The following PHACTR3 variants were observed in gnomAD, a reference collection of about 807,000 sequenced individuals.
PHACTR3 encodes the protein protein phosphatase 1, regulatory subunit 123.
Under a neutral mutation model 66.8 loss-of-function variants are expected in PHACTR3, and 16 were observed. That is an observed-to-expected ratio of 0.24 (90% CI 0.16 to 0.36). The LOEUF (loss-of-function observed/expected upper bound fraction) is 0.36. PHACTR3 is among the 10% of genes least tolerant of loss of function. The pLI is 1.00. For missense variants in PHACTR3, 647 were observed against 719.9 expected (o/e 0.90, Z 1.16); for synonymous variants, 323 against 292.1 (o/e 1.11, Z -1.08).
At chr20:59,728,430 A>G (rs907193622) in intron 1 of PHACTR3, among the ~76,000 whole-genome samples, 1 of 152,154 alleles carries the variant, frequency 6.6e-6, no homozygotes, top group Non-Finnish European at 1.5e-5. Context: ...GAAAACAGGT[A>G]TTAGGGGGAA....
chr20:59,841,914 G>A (rs2059071016), intron 11 of PHACTR3, among the ~76,000 whole-genome samples: 1 of 152,052 alleles, frequency 6.6e-6, no homozygotes, highest in South Asian at 2.1e-4. Flanking sequence ...TGGTATAAGG[G>A]ATAAATCAAA....
intron 7 of PHACTR3, among the ~76,000 whole-genome samples, chr20:59,784,852 G>T (rs2040849333): frequency 6.6e-6 from 1 of 152,128 alleles, no homozygotes; most frequent in Admixed American, 6.5e-5. Context: ...GCTGCCTCTG[G>T]GCCTGGCATA....
chr20:59,841,686 G>A (rs1177231073), intron 11 of PHACTR3, 151 bp downstream of exon 11: 22 of 867,538 alleles, frequency 2.5e-5, no homozygotes, highest in Middle Eastern at 3.4e-4. Flanking sequence ...ATAATTCAGG[G>A]TCAGATTGAG....
At chr20:59,794,481 A>G (rs901185897) in intron 7 of PHACTR3, among the ~76,000 whole-genome samples, 2 of 152,256 alleles carry the variant, frequency 1.3e-5, no homozygotes, top group East Asian at 3.9e-4. Context: ...ATCTATGTTC[A>G]TCAGGGATGC....
chr20:59,682,907 C>G (rs1892715818), intron 1 of PHACTR3, among the ~76,000 whole-genome samples: 1 of 152,116 alleles, frequency 6.6e-6, no homozygotes, highest in African/African-American at 2.4e-5. Context: ...GGCTTTTGCT[C>G]TGAGTGTGAC....
At chr20:59,707,746 G>A (rs777794476) in intron 1 of PHACTR3, among the ~76,000 whole-genome samples, 17 of 152,034 alleles carry the variant, frequency 1.1e-4, no homozygotes, top group Admixed American at 2.0e-4. Context: ...GATTACAGGC[G>A]TGAGCCCCCT....
chr20:59,809,354 C>T (rs1039189274), intron 8 of PHACTR3, among the ~76,000 whole-genome samples: 6 of 152,078 alleles, frequency 3.9e-5, no homozygotes, highest in East Asian at 1.9e-4. Context: ...ATCGTGGTGT[C>T]GTCATCCCAG....
chr20:59,737,475 T>A (rs948250013), intron 1 of PHACTR3, among the ~76,000 whole-genome samples: 5 of 151,752 alleles, frequency 3.3e-5, no homozygotes, highest in Admixed American at 2.0e-4. Context: ...CAAATGAGTG[T>A]GTGCGTGCAT....
rs1056926359 is a variant in PHACTR3, at chr20:59,628,563, G to T, written c.118+23431G>T. 13 of 953,362 alleles carry T rather than the reference G, an allele frequency of 1.4e-5. 1 individual carries two copies. The highest frequency in any genetic ancestry group is 1.1e-4 in the African/African-American group (6 of 56,690). 59.1% of individuals were successfully genotyped at this position (953,362 alleles called of 1,614,324 possible). On this transcript the variant is annotated intron_variant, in intron 1 of 12. Coordinates refer to ENST00000371015, the MANE Select transcript of PHACTR3 (RefSeq NM_080672.5). ...TTCTGGCTCCTGGCTCCCAGGGAGA[G>T]AGGCGAGCCCTGTTCTCTCCCCGAG...
chr20:59,602,353 C>A (rs997851718), upstream of PHACTR3, among the ~76,000 whole-genome samples: 4 of 151,170 alleles, frequency 2.6e-5, no homozygotes, highest in African/African-American at 9.7e-5. Context: ...ATTGTTTGAG[C>A]CCAGGAGTTT....
rs1256711258 is a variant in PHACTR3, at chr20:59,736,718, C to G, written c.119-6389C>G. Among the ~76,000 whole-genome samples the G allele has an allele frequency of 1.3e-5, 2 of 152,202 alleles. No homozygotes were observed. The highest frequency in any genetic ancestry group is 3.9e-4 in the East Asian group (2 of 5,180). On this transcript the variant is annotated intron_variant, in intron 1 of 12. Coordinates refer to ENST00000371015, the MANE Select transcript of PHACTR3 (RefSeq NM_080672.5). The surrounding 1 kb of genome is among the most constrained non-coding windows in gnomAD (Gnocchi z 4.6). ...ACACCTGCAGTGATGGGCTCATGTC[C>G]TCTGCCCTTGGAGGGGTTTGTAAGT...
intron 1 of PHACTR3, among the ~76,000 whole-genome samples, chr20:59,703,781 T>C (rs960636335): frequency 1.3e-5 from 2 of 152,134 alleles, no homozygotes; most frequent in Admixed American, 6.6e-5. Context: ...CATTGCTCTA[T>C]AGAGAGTACT....
chr20:59,715,392 T>C lies in PHACTR3; in HGVS notation c.119-27715T>C, dbSNP rs558841159. 3.3e-5 allele frequency among the ~76,000 whole-genome samples: 5 copies of C among 152,356 alleles called. No homozygotes were observed. In the South Asian group the frequency reaches 1.0e-3, roughly 32 times the overall value. On this transcript the variant is annotated intron_variant, in intron 1 of 12. Transcript: ENST00000371015. ...TATTTGTGGAAGTGATCCTATAACT[T>C]TTCTAATTTATTCTGTTAATGTGGT...
chr20:59,753,749 C>G (rs1452533086), intron 3 of PHACTR3, among the ~76,000 whole-genome samples: 1 of 152,194 alleles, frequency 6.6e-6, no homozygotes, highest in Non-Finnish European at 1.5e-5. Context: ...TATTTGGGCA[C>G]AAAACACCGT....
At chr20:59,740,015 T>A (rs891236192) in intron 1 of PHACTR3, among the ~76,000 whole-genome samples, 5 of 152,150 alleles carry the variant, frequency 3.3e-5, no homozygotes, top group Admixed American at 6.5e-5. Context: ...AATGGAATGA[T>A]CTCTAGCTCA....
chr20:59,826,331 A>C (rs918728019), intron 8 of PHACTR3, among the ~76,000 whole-genome samples: 2 of 152,166 alleles, frequency 1.3e-5, no homozygotes, highest in East Asian at 3.9e-4. Context: ...ATCTTCGCTG[A>C]GTGTCCCTGG....
chr20:59,680,058 T>G (rs963667955), intron 1 of PHACTR3, among the ~76,000 whole-genome samples: 1 of 152,074 alleles, frequency 6.6e-6, no homozygotes, highest in African/African-American at 2.4e-5. Flanking sequence ...CCCTCCTCCC[T>G]GGCTTCCCTC....
At chr20:59,700,518 C>G (rs369186741) in intron 1 of PHACTR3, among the ~76,000 whole-genome samples, 1 of 152,204 alleles carries the variant, frequency 6.6e-6, no homozygotes, top group Non-Finnish European at 1.5e-5. Flanking sequence ...CACTGTTTGT[C>G]AATGCCCTCA....
chr20:59,676,673 G>A, intron 1 of PHACTR3: 1 of 985,230 alleles, frequency 1.0e-6, no homozygotes, highest in Non-Finnish European at 1.2e-6. Flanking sequence ...CTTTCAGGGA[G>A]ATTTGAGAGA....
Sources: allele counts gnomAD v4.1 joint callset (sites outside exome capture counted in the v4.1 genomes callset), GRCh38; gene constraint gnomAD v4.1.1; non-coding constraint Gnocchi (gnomAD v3.1); transcripts MANE v1.5; gene names NCBI Gene and HGNC (gene_info 2026-07-23, HGNC 2026-07-21).